The following VPS13A variants were observed in gnomAD, a reference collection of about 807,000 sequenced individuals.
The protein encoded by VPS13A is vacuolar protein sorting 13 homolog A.
VPS13A carries 264 observed loss-of-function variants against 390.9 expected under a neutral mutation model. The observed-to-expected ratio is 0.68, with a 90% CI of 0.61 to 0.75. The LOEUF (loss-of-function observed/expected upper bound fraction) is 0.75, where lower values mean the gene tolerates loss of function less well. VPS13A is among the 30% of genes least tolerant of loss of function. The pLI, the probability that VPS13A is intolerant of heterozygous loss-of-function variation, is 0.00. For synonymous variants in VPS13A, 1,231 were observed against 1,227.1 expected (o/e 1.00, Z -0.07); for missense variants, 3,409 against 3,733.9 (o/e 0.91, Z 2.27).
At chr9:77,384,254 T>A (rs1410193134) in intron 68 of VPS13A, among the ~76,000 whole-genome samples, 3 of 151,866 alleles carry the variant, frequency 2.0e-5, no homozygotes, top group Non-Finnish European at 4.4e-5. Flanking sequence ...TGTACCTTTC[T>A]ATCTAGAAGG....
rs1830714160 is a variant in VPS13A, at chr9:77,339,668, C to T, written c.6531C>T (p.Asp2177=). The change falls in exon 48 of 72, where the codon GAC becomes GAT. Residue 2177 remains aspartate (D), a synonymous_variant. Transcript: ENST00000360280. The part of the protein sequence containing the change: ...SEYHIKPNQQ[D]ISFVSFTCVT... ...ATCACATAAAGCCTAATCAGCAAGA[C>T]ATTAGTTTTGTCAGTTTTACTTGTG... The T allele has an allele frequency of 8.7e-6, 14 of 1,613,892 alleles. No homozygotes were observed. In the East Asian group the frequency reaches 3.1e-4, roughly 36 times the overall value.
intron 3 of VPS13A, among the ~76,000 whole-genome samples, chr9:77,202,226 A>G (rs150983680): frequency 3.4e-3 from 513 of 152,230 alleles, no homozygotes; most frequent in Non-Finnish European, 5.8e-3. Flanking sequence ...TCATCATCAT[A>G]TGTTACTGAC....
chr9:77,318,512 T>C lies in VPS13A; in HGVS notation c.5234T>C (p.Leu1745Pro). Residue 1745 changes from leucine (L) to proline (P), a missense_variant, in exon 41 of 72, where the codon CTT becomes CCT. Leu to Pro is a moderately conservative substitution (Grantham distance 98). Around this residue, in one of 5 missense-constraint regions of VPS13A, gnomAD observed 2,717 missense variants for 2,917.4 expected, o/e 0.93. Transcript: ENST00000360280. ...AGIGHRTVPMLLAKSRFSGEG... is the reference protein window; with the variant it reads ...AGIGHRTVPMPLAKSRFSGEG... Reference sequence around the variant, plus strand: ...ATTGGTCATAGAACAGTACCTATGCTTCTGGCAAAGTCACGTTTTTCAGGG... The same window carrying C: ...ATTGGTCATAGAACAGTACCTATGCCTCTGGCAAAGTCACGTTTTTCAGGG... The C allele has an allele frequency of 6.2e-7, 1 of 1,613,984 alleles. No individual in the cohort carries two copies. The highest frequency in any genetic ancestry group is 8.5e-7 in the Non-Finnish European group (1 of 1,179,920).
At chr9:77,400,223 A>ATTTTTTTTTTTTTTTTTTTCTTTTTTTT (rs1834314601) in intron 68 of VPS13A, among the ~76,000 whole-genome samples, 1 of 88,148 alleles carries the variant, frequency 1.1e-5, no homozygotes, top group African/African-American at 5.1e-5. Context: ...TATCAGTCAG[A>ATTTTTTTTTTTTTTTTTTTCTTTTTTTT]TTTTTTTTTT....
At chr9:77,357,953 T>C (rs1006381155) in intron 56 of VPS13A, 115 bp downstream of exon 56, 61 of 104,410 alleles carry the variant, frequency 5.8e-4, no homozygotes, top group Middle Eastern at 8.2e-3. Flanking sequence ...TGTGCTAGCC[T>C]TTTTTTTTTT....
chr9:77,238,483 T>A (rs1587393951), intron 19 of VPS13A, 97 bp downstream of exon 19: 1 of 956,498 alleles, frequency 1.0e-6, no homozygotes, highest in Non-Finnish European at 1.6e-6. Context: ...ATTTTAAATT[T>A]ATTATATTTC....
intron 29 of VPS13A, 49 bp from the exon 30 acceptor site, chr9:77,283,306 C>A: frequency 9.3e-7 from 1 of 1,073,170 alleles, no homozygotes; most frequent in Non-Finnish European, 1.4e-6. Context: ...AGTGAGGTAA[C>A]TACTAAATGT....
chr9:77,398,954 G>A (rs561332646), intron 68 of VPS13A, among the ~76,000 whole-genome samples: 2 of 137,480 alleles, frequency 1.5e-5, no homozygotes, highest in African/African-American at 2.8e-5. Flanking sequence ...ACTCATAGGT[G>A]GGAATTGAAC....
intron 71 of VPS13A, among the ~76,000 whole-genome samples, chr9:77,409,811 A>G (rs1365205556): frequency 1.3e-5 from 2 of 151,340 alleles, no homozygotes; most frequent in Admixed American, 1.3e-4. Context: ...GACCAAATCT[A>G]CGTCTGATTG....
At position 77,365,476 on chromosome 9, in the gene VPS13A, A is replaced by C. The variant is rs138308486; in HGVS notation, c.8228A>C (p.Lys2743Thr). 9.1e-4 allele frequency: 1,472 copies of C among 1,608,772 alleles called. 17 individuals are homozygous for C. The African/African-American group carries it at 0.017, about 19-fold the overall frequency. ...CTTTTATAGGTTGAGCTTTTTCATAAAGATATAGAAGCTTTCAAAGAAGAA... is the reference window on the plus strand; with the variant it reads ...CTTTTATAGGTTGAGCTTTTTCATACAGATATAGAAGCTTTCAAAGAAGAA... ...TENTEVELFH[K>T]DIEAFKEEYK... Residue 2743 changes from lysine to threonine, a missense_variant, in exon 60 of 72, where the codon AAA becomes ACA. Lys to Thr is a moderately conservative substitution (Grantham distance 78). Transcript: ENST00000360280.
At chr9:77,256,965 A>G (rs1381741773) in intron 22 of VPS13A, among the ~76,000 whole-genome samples, 2 of 151,790 alleles carry the variant, frequency 1.3e-5, no homozygotes, top group Non-Finnish European at 1.5e-5. Flanking sequence ...TGAAGTTTTT[A>G]ATTGAGAAAA....
Position 77,403,275 on chromosome 9 carries a change from A to G in VPS13A, c.9229A>G (p.Thr3077Ala). Reference protein sequence around the residue: ...NGRFAKYKYFTHVMINKTDML... With the variant: ...NGRFAKYKYFAHVMINKTDML... ...AAGATTTGCAAAATACAAATATTTT[A>G]CCCATGTCATGATCAATAAGACAGA... Residue 3077 changes from threonine to alanine, a missense_variant, in exon 69 of 72, where the codon ACC (threonine) becomes GCC (alanine). Around this residue, in one of 5 missense-constraint regions of VPS13A, gnomAD observed 318 missense variants for 333.7 expected, o/e 0.95. Coordinates refer to ENST00000360280, the MANE Select transcript of VPS13A (RefSeq NM_033305.3). 1 of 1,612,456 alleles carries G rather than the reference A, an allele frequency of 6.2e-7. No homozygotes were observed. Among genetic ancestry groups the G allele is most frequent in the Non-Finnish European group, 8.5e-7 (1 of 1,179,626 alleles).
chr9:77,280,703 T>A lies in VPS13A; in HGVS notation c.2904+465T>A, dbSNP rs76188484. Among the ~76,000 whole-genome samples the A allele has an allele frequency of 4.1e-3, 627 of 152,310 alleles. 4 individuals are homozygous for A. The highest frequency in any genetic ancestry group is 6.6e-3 in the Non-Finnish European group (449 of 68,004). On this transcript the variant is annotated intron_variant, in intron 27 of 71. Transcript: ENST00000360280. ...TATGTACTATGGTCTATTTCTAATT[T>A]TTCCATGTTTCTGCTGACTTCCGTG...
At chr9:77,360,149 T>C (rs1161099150) in intron 58 of VPS13A, among the ~76,000 whole-genome samples, 1 of 152,140 alleles carries the variant, frequency 6.6e-6, no homozygotes, top group African/African-American at 2.4e-5. Flanking sequence ...TTATGCCTTT[T>C]AGTTTTAATT....
chr9:77,361,537 A>G lies in VPS13A; in HGVS notation c.8211+896A>G, dbSNP rs551148146. On this transcript the variant is annotated intron_variant, in intron 59 of 71. Transcript: ENST00000360280. ...CATTTTGGCTTTTATGGATAATGTA[A>G]TGAATACTGGTGTACAAGTTTTTAT... Among the ~76,000 whole-genome samples the G allele has an allele frequency of 1.9e-4, 29 of 152,232 alleles. No individual in the cohort carries two copies. In the South Asian group the frequency reaches 4.3e-3, roughly 23 times the overall value.
At chr9:77,225,820 C>A in intron 13 of VPS13A, 106 bp from the exon 14 acceptor site, 1 of 833,598 alleles carries the variant, frequency 1.2e-6, no homozygotes, top group Non-Finnish European at 2.0e-6. Flanking sequence ...TGTTTGCTTC[C>A]TATTATATCT....
chr9:77,392,170 T>G (rs545287475), intron 68 of VPS13A, among the ~76,000 whole-genome samples: 1 of 152,348 alleles, frequency 6.6e-6, no homozygotes, highest in Admixed American at 6.5e-5. Flanking sequence ...ATGACCCATC[T>G]TCCACAGAGA....
chr9:77,322,258 C>T (rs1829789718), intron 44 of VPS13A, among the ~76,000 whole-genome samples: 1 of 151,274 alleles, frequency 6.6e-6, no homozygotes, highest in South Asian at 2.1e-4. Flanking sequence ...TTTCTGCTTC[C>T]CAAAAGTTTT....
chr9:77,245,404 C>T (rs747950278), intron 19 of VPS13A, among the ~76,000 whole-genome samples: 1 of 152,178 alleles, frequency 6.6e-6, no homozygotes, highest in Non-Finnish European at 1.5e-5. Context: ...CTGGATGCTT[C>T]TTGTTACTTT....
Sources: gnomAD v4.1 joint callset for allele counts (sites outside exome capture counted in the v4.1 genomes callset) on GRCh38, gnomAD v4.1.1 for gene constraint, gnomAD v4.1.1 regional missense constraint, MANE v1.5 for transcripts, NCBI Gene and HGNC (gene_info 2026-07-23, HGNC 2026-07-21) for gene names.